Variants in NBAS observed in about 807,000 individuals in gnomAD.
NBAS encodes the protein NAG/BC035112 fusion.
A neutral mutation model predicts 302.5 loss-of-function variants in NBAS; 219 were observed. That is an observed-to-expected ratio of 0.72 (90% confidence interval 0.65 to 0.81). The LOEUF (loss-of-function observed/expected upper bound fraction) is 0.81. NBAS is among the 30% of genes least tolerant of loss of function. NBAS has a pLI of 0.00. For synonymous variants in NBAS, 1,118 were observed against 1,021.6 expected, an observed-to-expected ratio of 1.09 and a Z score of -1.80; for missense variants, 2,932 against 2,841.6, an observed-to-expected ratio of 1.03 and a Z score of -0.72.
At chr2:15,446,886 G>GAAA (rs55991796) in intron 21 of NBAS, among the ~76,000 whole-genome samples, 28 of 141,134 alleles carry the variant, frequency 2.0e-4, no homozygotes, top group Non-Finnish European at 3.7e-4. Context: ...CCACTAAAAA[G>GAAA]AAAAAAAAAA....
intron 38 of NBAS, 148 bp from the exon 39 acceptor site, chr2:15,309,395 C>T (rs1671178630): frequency 1.6e-6 from 1 of 634,256 alleles, no homozygotes; most frequent in African/African-American, 1.8e-5. Flanking sequence ...CATCTAAAAA[C>T]AGATCATATG....
intron 21 of NBAS, among the ~76,000 whole-genome samples, chr2:15,455,978 T>C (rs1205610057): frequency 6.6e-6 from 1 of 152,100 alleles, no homozygotes; most frequent in African/African-American, 2.4e-5. Flanking sequence ...CTCTATTATC[T>C]CAAGTTGTGG....
chr2:14,931,355 G>A, the NBAS span, among the ~76,000 whole-genome samples: 1 of 152,192 alleles, frequency 6.6e-6, no homozygotes, highest in African/African-American at 2.4e-5. Context: ...GGGGTTTGCT[G>A]GGCTTGAAGG....
the NBAS span, among the ~76,000 whole-genome samples, chr2:15,102,885 T>C: frequency 6.6e-6 from 1 of 152,030 alleles, no homozygotes; most frequent in Non-Finnish European, 1.5e-5. Flanking sequence ...TTTATCTACC[T>C]TGGCATCTGT....
the NBAS span, among the ~76,000 whole-genome samples, chr2:15,141,172 CCT>C: frequency 1.3e-5 from 2 of 151,868 alleles, no homozygotes; most frequent in Admixed American, 1.3e-4. Context: ...TCTTTTTCCC[CCT>C]CTCTCTCCCT....
chr2:15,165,566 G>C (rs1202371386), downstream of NBAS, among the ~76,000 whole-genome samples: 1 of 152,220 alleles, frequency 6.6e-6, no homozygotes. Flanking sequence ...GCGGAAATGA[G>C]GTGAAGCCGA....
chr2:15,104,106 C>G, the NBAS span, among the ~76,000 whole-genome samples: 1 of 152,040 alleles, frequency 6.6e-6, no homozygotes, highest in East Asian at 1.9e-4. Context: ...CAATTTCCCC[C>G]ATACTGTTTT....
chr2:15,010,332 T>G, the NBAS span, among the ~76,000 whole-genome samples: 1 of 151,960 alleles, frequency 6.6e-6, no homozygotes, highest in Non-Finnish European at 1.5e-5. Flanking sequence ...AAAAGGCCCT[T>G]GATTTGGGGA....
At chr2:15,236,894 C>G (rs547408254) in intron 45 of NBAS, among the ~76,000 whole-genome samples, 1 of 152,148 alleles carries the variant, frequency 6.6e-6, no homozygotes, top group African/African-American at 2.4e-5. Flanking sequence ...AAATTTCTTT[C>G]AAAATTTTAA....
chr2:15,397,572 G>T, intron 26 of NBAS: 1 of 619,680 alleles, frequency 1.6e-6, no homozygotes, highest in South Asian at 1.4e-5. Context: ...CAGTAACGTA[G>T]CTTCACATAC....
the NBAS span, among the ~76,000 whole-genome samples, chr2:14,990,382 C>T: frequency 6.6e-6 from 1 of 151,668 alleles, no homozygotes; most frequent in Non-Finnish European, 1.5e-5. Flanking sequence ...CGAGATCATG[C>T]CACTGCACTC....
intron 40 of NBAS, among the ~76,000 whole-genome samples, chr2:15,296,159 G>A (rs1403372814): frequency 6.6e-6 from 1 of 152,124 alleles, no homozygotes; most frequent in East Asian, 1.9e-4. Context: ...ATTCCACTGG[G>A]TCTCAGTTTC....
At chr2:15,441,926 G>C (rs1435210431) in intron 21 of NBAS, among the ~76,000 whole-genome samples, 8 of 150,668 alleles carry the variant, frequency 5.3e-5, no homozygotes, top group African/African-American at 1.7e-4. Context: ...TTACATAATA[G>C]TAAAGGGATC....
chr2:15,200,275 T>A (rs1267183864), intron 48 of NBAS, among the ~76,000 whole-genome samples: 2 of 152,212 alleles, frequency 1.3e-5, no homozygotes, highest in African/African-American at 4.8e-5. Context: ...CAGACAAATA[T>A]GTCTGTTTTG....
rs184762923 is a variant in NBAS at position 15,361,490 on chromosome 2, G to C, written c.3818-5074C>G. Among the ~76,000 whole-genome samples the C allele has an allele frequency of 2.0e-3, 298 of 152,116 alleles. 1 individual carries two copies. Among genetic ancestry groups the C allele is most frequent in the African/African-American group, 6.9e-3 (287 of 41,492 alleles). On this transcript the variant is annotated intron_variant, in intron 32 of 51. Transcript: ENST00000281513. ...ATCGCACCACCGCACTCCAGCCTGG[G>C]TGACACAGTGAGACTCTGGCTCAAA...
At chr2:14,970,688 A>T in the NBAS span, among the ~76,000 whole-genome samples, 1 of 152,200 alleles carries the variant, frequency 6.6e-6, no homozygotes, top group Non-Finnish European at 1.5e-5. Flanking sequence ...AACTGGGCCA[A>T]AGGAAGGTAC....
chr2:15,326,377 A>C (rs1672066749), intron 38 of NBAS, among the ~76,000 whole-genome samples: 1 of 152,206 alleles, frequency 6.6e-6, no homozygotes, highest in Admixed American at 6.5e-5. Context: ...ATATCGTATA[A>C]ACCAATGTTT....
At chr2:15,164,536 C>A (rs1054836190), downstream of NBAS, among the ~76,000 whole-genome samples, 10 of 152,216 alleles carry the variant, frequency 6.6e-5, no homozygotes, top group Admixed American at 2.0e-4. Flanking sequence ...GAGGCTCTCA[C>A]CCTGCACTGG....
At chr2:15,528,952 G>A (rs372987460) in intron 9 of NBAS, among the ~76,000 whole-genome samples, 93 of 146,828 alleles carry the variant, frequency 6.3e-4, no homozygotes, top group Non-Finnish European at 1.1e-3. Flanking sequence ...AAGAATATGA[G>A]ATCTTAGGTC....
Sources: gnomAD v4.1 joint callset for allele counts (sites outside exome capture counted in the v4.1 genomes callset) on GRCh38, gnomAD v4.1.1 for gene constraint, MANE v1.5 for transcripts, NCBI Gene and HGNC (gene_info 2026-07-23, HGNC 2026-07-21) for gene names.